The following C7orf78 variants were observed in gnomAD, a reference collection of about 807,000 sequenced individuals.
C7orf78 encodes the protein chromosome 7 open reading frame 78.
At chr7:12,533,310 C>T in the C7orf78 span, among the ~76,000 whole-genome samples, 1 of 151,964 alleles carries the variant, frequency 6.6e-6, no homozygotes, top group Non-Finnish European at 1.5e-5. Flanking sequence ...AAATGATTCT[C>T]CTGCCTCAGC....
the C7orf78 span, among the ~76,000 whole-genome samples, chr7:12,517,682 A>G: frequency 2.0e-5 from 3 of 152,098 alleles, no homozygotes; most frequent in Non-Finnish European, 2.9e-5. Flanking sequence ...GCTTTCAAAT[A>G]TATTTTGTAG....
the C7orf78 span, among the ~76,000 whole-genome samples, chr7:12,508,963 A>T: frequency 2.9e-4 from 44 of 152,220 alleles, 1 homozygote; most frequent in Non-Finnish European, 4.9e-4. Flanking sequence ...TGACTTGTAT[A>T]ATTATTTCAT....
chr7:12,487,048 C>T, the C7orf78 span: 1 of 151,762 alleles, frequency 6.6e-6, no homozygotes, highest in Non-Finnish European at 1.5e-5. Context: ...CTGCTTCTGT[C>T]ATGTATTTTC....
At chr7:12,500,274 A>C in the C7orf78 span, among the ~76,000 whole-genome samples, 1 of 152,110 alleles carries the variant, frequency 6.6e-6, no homozygotes, top group Non-Finnish European at 1.5e-5. Context: ...CCCTTCAAAA[A>C]ATTAATGAAT....
chr7:12,514,216 A>G, the C7orf78 span, among the ~76,000 whole-genome samples: 314 of 152,152 alleles, frequency 2.1e-3, 3 homozygotes, highest in African/African-American at 7.2e-3. Flanking sequence ...TGCTTTATAG[A>G]TCTGGGTGCT....
At chr7:12,484,486 T>A in the C7orf78 span, among the ~76,000 whole-genome samples, 1 of 152,234 alleles carries the variant, frequency 6.6e-6, no homozygotes, top group Non-Finnish European at 1.5e-5. Context: ...AACAGAAAAT[T>A]TAAATAAACT....
chr7:12,526,330 G>T, the C7orf78 span, among the ~76,000 whole-genome samples: 1 of 151,990 alleles, frequency 6.6e-6, no homozygotes, highest in African/African-American at 2.4e-5. Flanking sequence ...ACTTAGTAAT[G>T]TATTAAAAAA....
At chr7:12,493,818 C>T in the C7orf78 span, among the ~76,000 whole-genome samples, 1 of 152,164 alleles carries the variant, frequency 6.6e-6, no homozygotes, top group Admixed American at 6.5e-5. Flanking sequence ...GTGCCTGGTC[C>T]ACAGCAAAGA....
At chr7:12,492,546 T>C in the C7orf78 span, among the ~76,000 whole-genome samples, 1 of 152,230 alleles carries the variant, frequency 6.6e-6, no homozygotes, top group South Asian at 2.1e-4. Flanking sequence ...TGAGTTGGCA[T>C]GCATATGCAT....
the C7orf78 span, among the ~76,000 whole-genome samples, chr7:12,513,498 CTTT>C: frequency 1.3e-5 from 2 of 151,988 alleles, no homozygotes; most frequent in African/African-American, 4.8e-5. Flanking sequence ...AAATTTTCTT[CTTT>C]GACTCATTTG....
At chr7:12,537,779 A>T in the C7orf78 span, among the ~76,000 whole-genome samples, 1 of 152,188 alleles carries the variant, frequency 6.6e-6, no homozygotes, top group African/African-American at 2.4e-5. Flanking sequence ...CATTTATGGT[A>T]TATTTACACA....
the C7orf78 span, among the ~76,000 whole-genome samples, chr7:12,495,825 C>G: frequency 6.6e-6 from 1 of 152,132 alleles, no homozygotes; most frequent in African/African-American, 2.4e-5. Flanking sequence ...TAAAAGCGTT[C>G]ATGTTCCTTA....
the C7orf78 span, chr7:12,506,848 C>A: frequency 2.3e-6 from 1 of 433,012 alleles, no homozygotes; most frequent in Non-Finnish European, 4.6e-6. Context: ...CCAAGTTTGT[C>A]AGGTTATCGT....
chr7:12,526,543 G>A, the C7orf78 span, among the ~76,000 whole-genome samples: 1 of 152,096 alleles, frequency 6.6e-6, no homozygotes, highest in Non-Finnish European at 1.5e-5. Context: ...TGGATAGTGA[G>A]ATCACAGTTA....
chr7:12,540,867 A>G, the C7orf78 span: 1 of 152,210 alleles, frequency 6.6e-6, no homozygotes, highest in Non-Finnish European at 1.5e-5. Flanking sequence ...CTCACCCTTT[A>G]TAGAAACTGA....
the C7orf78 span, among the ~76,000 whole-genome samples, chr7:12,501,688 A>G: frequency 6.8e-5 from 10 of 147,810 alleles, no homozygotes; most frequent in Admixed American, 2.7e-4. Flanking sequence ...TGCCATCCCC[A>G]TCAAGCTACC....
the C7orf78 span, among the ~76,000 whole-genome samples, chr7:12,509,101 C>A: frequency 6.6e-6 from 1 of 152,234 alleles, no homozygotes; most frequent in Non-Finnish European, 1.5e-5. Context: ...AGATCACTCA[C>A]TGGTGCCAAA....
chr7:12,529,941 T>C, the C7orf78 span, among the ~76,000 whole-genome samples: 3 of 152,198 alleles, frequency 2.0e-5, no homozygotes, highest in Non-Finnish European at 2.9e-5. Flanking sequence ...TTTAACTACA[T>C]GCAAATTAAG....
chr7:12,484,390 A>C, the C7orf78 span, among the ~76,000 whole-genome samples: 2 of 152,212 alleles, frequency 1.3e-5, no homozygotes, highest in Admixed American at 1.3e-4. Flanking sequence ...TTTCTGATTA[A>C]ATTTACATAA....
Sources: gnomAD v4.1 joint callset for allele counts (sites outside exome capture counted in the v4.1 genomes callset) on GRCh38, gnomAD v4.1.1 for gene constraint, MANE v1.5 for transcripts, NCBI Gene and HGNC (gene_info 2026-07-23, HGNC 2026-07-21) for gene names.